The following EZR variants were observed in gnomAD, a reference collection of about 807,000 sequenced individuals.
EZR encodes the protein cytovillin 2.
EZR carries 40 observed loss-of-function variants against 74.8 expected under a neutral mutation model. That is an observed-to-expected ratio of 0.53 (90% CI 0.42 to 0.70). The LOEUF is 0.70. EZR is among the 30% of genes least tolerant of loss of function. The pLI is 0.00. For synonymous variants in EZR, 341 were observed against 283.3 expected (o/e 1.20, Z -2.05); for missense variants, 678 against 755.8 (o/e 0.90, Z 1.21).
intron 1 of EZR, among the ~76,000 whole-genome samples, chr6:158,818,548 G>A (rs1583596160): frequency 6.6e-6 from 1 of 150,566 alleles, no homozygotes; most frequent in African/African-American, 2.4e-5. Context: ...GGGAGGATCG[G>A]GGGGAGGGGG....
intron 10 of EZR, 120 bp from the exon 11 acceptor site, chr6:158,770,064 GTC>G: frequency 7.7e-7 from 1 of 1,304,690 alleles, no homozygotes; most frequent in Admixed American, 2.3e-5. Context: ...TTGAGGGGAT[GTC>G]TTCCAGTGAC....
chr6:158,771,031 G>A, intron 9 of EZR, 137 bp from the exon 10 acceptor site: 4 of 1,414,814 alleles, frequency 2.8e-6, no homozygotes, highest in Non-Finnish European at 3.9e-6. Context: ...GCCAGCCTGA[G>A]CTGCCTGACG....
intron 2 of EZR, among the ~76,000 whole-genome samples, chr6:158,803,388 G>A: frequency 6.7e-6 from 1 of 150,296 alleles, no homozygotes; most frequent in African/African-American, 2.5e-5. Context: ...CTCAACTTCT[G>A]GTAATCAGCT....
At position 158,779,853 on chromosome 6, in the gene EZR, G is replaced by T. The variant is rs144017770; in HGVS notation, c.699-3349C>A. 1.6e-3 allele frequency among the ~76,000 whole-genome samples: 246 copies of T among 152,002 alleles called. 1 individual carries two copies. The highest frequency in any genetic ancestry group is 5.6e-3 in the African/African-American group (232 of 41,500). On this transcript the variant is annotated intron_variant, in intron 7 of 13. Transcript: ENST00000367075. ...AGCCTCCCAAAGTGCTGGGATTACA[G>T]GTATGAGCCACCATGCCCAGCCTGA...
chr6:158,813,025 C>G (rs1302325415), intron 2 of EZR, among the ~76,000 whole-genome samples: 6 of 152,190 alleles, frequency 3.9e-5, no homozygotes, highest in Non-Finnish European at 8.8e-5. Context: ...TTACAGATCA[C>G]AGTCAACTTT....
chr6:158,770,133 A>T (rs1029920197), intron 10 of EZR, among the ~76,000 whole-genome samples, 189 bp from the exon 11 acceptor site: 1 of 152,202 alleles, frequency 6.6e-6, no homozygotes, highest in Admixed American at 6.5e-5. Flanking sequence ...CAACTTCCTC[A>T]AGATGGCTAG....
chr6:158,768,763 T>C (rs1791000296), intron 12 of EZR, among the ~76,000 whole-genome samples: 2 of 152,128 alleles, frequency 1.3e-5, no homozygotes, highest in Non-Finnish European at 2.9e-5. Flanking sequence ...AGCAACCTTA[T>C]GAGTTGGGTA....
intron 6 of EZR, among the ~76,000 whole-genome samples, 166 bp downstream of exon 6, chr6:158,784,478 T>TA (rs1417499710): frequency 2.0e-5 from 3 of 151,956 alleles, no homozygotes; most frequent in East Asian, 3.9e-4. Flanking sequence ...TGGCTTTGTT[T>TA]AAAAAAAACC....
chr6:158,816,570 A>G (rs1455730167), intron 2 of EZR, among the ~76,000 whole-genome samples: 7 of 152,238 alleles, frequency 4.6e-5, no homozygotes, highest in Admixed American at 6.5e-5. Flanking sequence ...TCAGTTTCAT[A>G]CCACATGCAC....
intron 12 of EZR, 113 bp from the exon 13 acceptor site, chr6:158,767,625 G>C (rs1234726604): frequency 8.7e-7 from 1 of 1,153,010 alleles, no homozygotes; most frequent in Non-Finnish European, 1.2e-6. Context: ...GCACTGAACT[G>C]TGCTGGGCTG....
chr6:158,774,928 C>G (rs1433692028), intron 8 of EZR, among the ~76,000 whole-genome samples: 1 of 151,912 alleles, frequency 6.6e-6, no homozygotes, highest in Non-Finnish European at 1.5e-5. Context: ...ATAATATGAA[C>G]TGCTGCCATG....
At chr6:158,780,849 T>G (rs1309620456) in intron 7 of EZR, among the ~76,000 whole-genome samples, 1 of 152,208 alleles carries the variant, frequency 6.6e-6, no homozygotes, top group Non-Finnish European at 1.5e-5. Flanking sequence ...CTTACCTGTT[T>G]TTGCCCTCTT....
At chr6:158,792,322 C>T (rs1045198733) in intron 2 of EZR, among the ~76,000 whole-genome samples, 1 of 152,020 alleles carries the variant, frequency 6.6e-6, no homozygotes, top group African/African-American at 2.4e-5. Flanking sequence ...AACGATTCTC[C>T]TGCCTCGGCC....
chr6:158,766,978 T>C lies in EZR; in HGVS notation c.1697A>G (p.Lys566Arg), dbSNP rs750026557. The C allele has an allele frequency of 3.7e-6, 6 of 1,614,204 alleles. No homozygotes were observed. Among genetic ancestry groups the C allele is most frequent in the Non-Finnish European group, 4.2e-6 (5 of 1,180,032 alleles). Reference protein sequence around the residue: ...ENMRQGRDKYKTLRQIRQGNT... With the variant: ...ENMRQGRDKYRTLRQIRQGNT... The stretch of plus-strand genomic sequence containing the variant: ...GCCCTGCCGGATCTGCCGCAGCGTC[T>C]TGTACTTGTCCCGGCCTTGCCTCAT... Residue 566 changes from lysine to arginine, a missense_variant, in exon 14 of 14, where the codon AAG (lysine) becomes AGG (arginine). Coordinates refer to ENST00000367075, the MANE Select transcript of EZR (RefSeq NM_001111077.2).
At chr6:158,792,479 G>A (rs1186346810) in intron 2 of EZR, among the ~76,000 whole-genome samples, 1 of 152,096 alleles carries the variant, frequency 6.6e-6, no homozygotes, top group African/African-American at 2.4e-5. Context: ...CTTGTAAAAC[G>A]GATACTTTTA....
intron 3 of EZR, 99 bp downstream of exon 3, chr6:158,789,188 GA>G (rs1276316975): frequency 1.6e-5 from 13 of 801,436 alleles, no homozygotes; most frequent in Non-Finnish European, 2.6e-5. Context: ...TACCTCAAGT[GA>G]GTAAAACAAG....
intron 11 of EZR, 94 bp downstream of exon 11, chr6:158,769,690 G>A (rs761604314): frequency 7.3e-6 from 11 of 1,516,188 alleles, no homozygotes; most frequent in Non-Finnish European, 9.9e-6. Flanking sequence ...ACAGCTTCCA[G>A]TCATGACAAT....
At chr6:158,782,894 A>G (rs1238785869) in intron 7 of EZR, among the ~76,000 whole-genome samples, 1 of 152,218 alleles carries the variant, frequency 6.6e-6, no homozygotes, top group African/African-American at 2.4e-5. Flanking sequence ...GTTTATCCTC[A>G]GCAGAAAGAA....
Position 158,818,104 on chromosome 6 carries a change from T to C in EZR, c.-11A>G, listed in dbSNP as rs1281293458. 1 of 1,608,350 alleles carries C rather than the reference T, an allele frequency of 6.2e-7. No individual in the cohort carries two copies. ...TACTGGTTTCGGCATTTTCGGTTTC[T>C]GGTGAGTATCCTCGATCCCCGAAAA... is the stretch of plus-strand genomic sequence containing the variant. On this transcript the variant is annotated 5_prime_UTR_variant, in exon 2 of 14. Coordinates refer to ENST00000367075, the MANE Select transcript of EZR (RefSeq NM_001111077.2).
Sources: gnomAD v4.1 joint callset for allele counts (sites outside exome capture counted in the v4.1 genomes callset) on GRCh38, gnomAD v4.1.1 for gene constraint, MANE v1.5 for transcripts, NCBI Gene and HGNC (gene_info 2026-07-23, HGNC 2026-07-21) for gene names.